The following TSPAN13 variants were observed in gnomAD, a reference collection of about 807,000 sequenced individuals.
TSPAN13 encodes tetraspanin-13.
A neutral mutation model predicts 26.9 loss-of-function variants in TSPAN13; 18 were observed. That is an observed-to-expected ratio of 0.67 (90% CI 0.46 to 0.99). TSPAN13 has a LOEUF of 0.99. TSPAN13 is among the 50% of genes least tolerant of loss of function. The probability of loss-of-function intolerance (pLI) is 0.00; values close to 1 mark genes in which losing one functional copy is unlikely to be tolerated. For missense variants in TSPAN13, 201 were observed against 249.6 expected, an observed-to-expected ratio of 0.81 and a Z score of 1.31; for synonymous variants, 116 against 98.4, an observed-to-expected ratio of 1.18 and a Z score of -1.06.
At chr7:16,755,278 T>C (rs1368459712) in intron 1 of TSPAN13, among the ~76,000 whole-genome samples, 2 of 152,222 alleles carry the variant, frequency 1.3e-5, no homozygotes, top group African/African-American at 2.4e-5. Flanking sequence ...ATTTTACCTT[T>C]ACTGTTCCTT....
chr7:16,761,280 T>A (rs1355240463), intron 1 of TSPAN13, among the ~76,000 whole-genome samples: 2 of 152,192 alleles, frequency 1.3e-5, no homozygotes, highest in Non-Finnish European at 2.9e-5. Context: ...CATAAAGCAA[T>A]AAAAGAACTG....
At chr7:16,779,948 T>C (rs574101510) in intron 5 of TSPAN13, among the ~76,000 whole-genome samples, 1 of 151,882 alleles carries the variant, frequency 6.6e-6, no homozygotes, top group Admixed American at 6.6e-5. Flanking sequence ...ATTTTTTGTA[T>C]TTTTAGTAGA....
chr7:16,754,052 C>T (rs79436477), intron 1 of TSPAN13, 22 bp downstream of exon 1: 115,630 of 1,610,746 alleles, frequency 0.072, 4,844 homozygotes, highest in African/African-American at 0.16. Flanking sequence ...CAGTCCGTTC[C>T]TGCTCGCTTG....
At chr7:16,774,265 T>C (rs1784714572) in intron 1 of TSPAN13, among the ~76,000 whole-genome samples, 1 of 152,180 alleles carries the variant, frequency 6.6e-6, no homozygotes, top group Non-Finnish European at 1.5e-5. Flanking sequence ...TTTCACTCAA[T>C]AGATAGATAG....
intron 5 of TSPAN13, among the ~76,000 whole-genome samples, chr7:16,783,052 A>G (rs955249768): frequency 6.6e-6 from 1 of 152,042 alleles, no homozygotes; most frequent in Non-Finnish European, 1.5e-5. Context: ...TGCCTCCGTC[A>G]TATGTGTCCC....
At chr7:16,767,817 ATTC>A (rs2115328267) in intron 1 of TSPAN13, among the ~76,000 whole-genome samples, 1 of 152,168 alleles carries the variant, frequency 6.6e-6, no homozygotes, top group African/African-American at 2.4e-5. Context: ...GGCCTTTCAA[ATTC>A]TTCTTCAGTG....
chr7:16,767,002 G>C (rs1434999713), intron 1 of TSPAN13, among the ~76,000 whole-genome samples: 1 of 152,056 alleles, frequency 6.6e-6, no homozygotes, highest in Admixed American at 6.5e-5. Context: ...CTATTCCCAA[G>C]TGCAGTCACA....
At chr7:16,754,906 C>T (rs909158376) in intron 1 of TSPAN13, among the ~76,000 whole-genome samples, 1 of 152,174 alleles carries the variant, frequency 6.6e-6, no homozygotes, top group Non-Finnish European at 1.5e-5. Flanking sequence ...ATCATTCTGA[C>T]AACCTTCTGA....
intron 5 of TSPAN13, among the ~76,000 whole-genome samples, chr7:16,781,678 C>A: frequency 6.6e-6 from 1 of 152,146 alleles, no homozygotes; most frequent in East Asian, 1.9e-4. Context: ...TTTCTTCCCC[C>A]AAGGACTGTG....
chr7:16,769,718 T>C (rs952585327), intron 1 of TSPAN13, among the ~76,000 whole-genome samples: 1 of 152,202 alleles, frequency 6.6e-6, no homozygotes, highest in Middle Eastern at 3.2e-3. Flanking sequence ...AATTTTTGAA[T>C]AATGAAAGCT....
chr7:16,770,506 A>T (rs1784662442), intron 1 of TSPAN13, among the ~76,000 whole-genome samples: 1 of 152,210 alleles, frequency 6.6e-6, no homozygotes, highest in African/African-American at 2.4e-5. Flanking sequence ...CACCGCGCCC[A>T]GCCCCCTTTT....
chr7:16,775,402 CT>C (rs1453967091), intron 1 of TSPAN13, among the ~76,000 whole-genome samples: 1 of 152,222 alleles, frequency 6.6e-6, no homozygotes, highest in Non-Finnish European at 1.5e-5. Flanking sequence ...CAAAGAATTT[CT>C]TTTTGCTCAG....
chr7:16,759,362 G>A (rs1784516468), intron 1 of TSPAN13, among the ~76,000 whole-genome samples: 1 of 152,160 alleles, frequency 6.6e-6, no homozygotes, highest in Admixed American at 6.5e-5. Context: ...GGAAGTCCCT[G>A]TGTCACATGG....
chr7:16,769,820 C>G (rs1310679574), intron 1 of TSPAN13, among the ~76,000 whole-genome samples: 1 of 152,052 alleles, frequency 6.6e-6, no homozygotes, highest in African/African-American at 2.4e-5. Context: ...AAGTCCACAC[C>G]CTGTCTTATT....
At chr7:16,769,096 G>C (rs1055550564) in intron 1 of TSPAN13, among the ~76,000 whole-genome samples, 1 of 152,038 alleles carries the variant, frequency 6.6e-6, no homozygotes, top group Non-Finnish European at 1.5e-5. Flanking sequence ...AAAGTGCTAG[G>C]ATTACACGCA....
At chr7:16,774,883 TAGAC>T (rs1191415702) in intron 1 of TSPAN13, among the ~76,000 whole-genome samples, 6 of 152,324 alleles carry the variant, frequency 3.9e-5, no homozygotes, top group Admixed American at 1.3e-4. Context: ...TGAGTACAAA[TAGAC>T]ACTCATGTAG....
intron 1 of TSPAN13, among the ~76,000 whole-genome samples, chr7:16,758,202 T>A (rs1346802003): frequency 6.6e-6 from 1 of 152,122 alleles, no homozygotes; most frequent in Non-Finnish European, 1.5e-5. Context: ...GATAAAAAAA[T>A]ACGACCATAC....
At chr7:16,779,488 A>T (rs542523521) in intron 5 of TSPAN13, among the ~76,000 whole-genome samples, 1 of 152,128 alleles carries the variant, frequency 6.6e-6, no homozygotes, top group African/African-American at 2.4e-5. Context: ...ATACACAGAC[A>T]TACATATATA....
chr7:16,758,338 C>G (rs1042118094), intron 1 of TSPAN13, among the ~76,000 whole-genome samples: 1 of 152,094 alleles, frequency 6.6e-6, no homozygotes, highest in Non-Finnish European at 1.5e-5. Flanking sequence ...TGTTACTAGA[C>G]AAACAGCTTA....
Sources: gnomAD v4.1 joint callset for allele counts (sites outside exome capture counted in the v4.1 genomes callset) on GRCh38, gnomAD v4.1.1 for gene constraint, MANE v1.5 for transcripts, NCBI Gene and HGNC (gene_info 2026-07-23, HGNC 2026-07-21) for gene names.